Variants in ACSS3 observed in about 807,000 individuals in gnomAD.
The protein encoded by ACSS3 is acyl-CoA synthetase short chain family member 3.
Under a neutral mutation model 84.2 loss-of-function variants are expected in ACSS3, and 64 were observed. The ratio of observed to expected loss-of-function variants is 0.76; its 90% CI spans 0.62 to 0.94. The LOEUF (loss-of-function observed/expected upper bound fraction) is 0.94, where lower values mean the gene tolerates loss of function less well. ACSS3 is among the 40% of genes least tolerant of loss of function. The pLI is 0.00. For synonymous variants in ACSS3, 317 were observed against 310.1 expected (o/e 1.02, Z -0.23); for missense variants, 815 against 867.6 (o/e 0.94, Z 0.76).
chr12:81,191,822 T>G (rs2031585276), intron 8 of ACSS3, among the ~76,000 whole-genome samples: 1 of 152,202 alleles, frequency 6.6e-6, no homozygotes, highest in Admixed American at 6.5e-5. Flanking sequence ...TAGATGATTT[T>G]ATTGTAACCT....
At chr12:81,206,066 C>T (rs1363702619) in intron 9 of ACSS3, among the ~76,000 whole-genome samples, 1 of 152,082 alleles carries the variant, frequency 6.6e-6, no homozygotes, top group Non-Finnish European at 1.5e-5. Flanking sequence ...TGAGTACCAA[C>T]AGCCATTAGC....
At chr12:81,227,929 C>G (rs1174183664) in intron 11 of ACSS3, among the ~76,000 whole-genome samples, 1 of 151,770 alleles carries the variant, frequency 6.6e-6, no homozygotes, top group East Asian at 1.9e-4. Flanking sequence ...GCTGCCATTT[C>G]CCAGCACCAT....
intron 2 of ACSS3, among the ~76,000 whole-genome samples, chr12:81,114,419 A>G (rs1282190982): frequency 6.6e-6 from 1 of 152,090 alleles, no homozygotes; most frequent in Non-Finnish European, 1.5e-5. Flanking sequence ...ATCTGCTCAG[A>G]CATATGTCAG....
At chr12:81,172,036 G>A (rs1025082740) in intron 7 of ACSS3, among the ~76,000 whole-genome samples, 1 of 152,088 alleles carries the variant, frequency 6.6e-6, no homozygotes, top group African/African-American at 2.4e-5. Context: ...GAGGCCGAAG[G>A]CAGGCGGATT....
At chr12:81,230,590 T>C (rs2033424632) in intron 11 of ACSS3, among the ~76,000 whole-genome samples, 1 of 151,836 alleles carries the variant, frequency 6.6e-6, no homozygotes, top group African/African-American at 2.4e-5. Context: ...GGCATATTGA[T>C]TATGAAATAA....
intron 4 of ACSS3, among the ~76,000 whole-genome samples, chr12:81,139,907 T>C (rs1886009919): frequency 6.6e-6 from 1 of 152,042 alleles, no homozygotes. Flanking sequence ...AGTGCTGGGA[T>C]TACAGGTGTG....
At chr12:81,093,464 CAAAA>C (rs11308483) in intron 1 of ACSS3, among the ~76,000 whole-genome samples, 2 of 141,058 alleles carry the variant, frequency 1.4e-5, no homozygotes, top group African/African-American at 2.6e-5. Context: ...CCACCGCCAC[CAAAA>C]AAAAAAAAAG....
intron 2 of ACSS3, among the ~76,000 whole-genome samples, chr12:81,122,299 G>A (rs1340157694): frequency 6.6e-6 from 1 of 151,720 alleles, no homozygotes; most frequent in Admixed American, 6.6e-5. Flanking sequence ...AGAACTCATG[G>A]GCCCTGAGAA....
At chr12:81,190,510 T>C (rs977363388) in intron 8 of ACSS3, among the ~76,000 whole-genome samples, 1 of 152,086 alleles carries the variant, frequency 6.6e-6, no homozygotes, top group Admixed American at 6.6e-5. Context: ...GTAGTTTTAA[T>C]GTATATATGT....
In ACSS3 at chr12:81,144,292, A is replaced by G. The variant is rs182814642; in HGVS notation, c.921+1045A>G. On this transcript the variant is annotated intron_variant, in intron 5 of 15. Transcript: ENST00000548058. Reference sequence around the variant, plus strand: ...TTTGGTCTACCATTGTGCTGTATGTAGTTGGTGCTCAATAAATTTTTGTTG... The same window carrying G: ...TTTGGTCTACCATTGTGCTGTATGTGGTTGGTGCTCAATAAATTTTTGTTG... 1.6e-4 allele frequency among the ~76,000 whole-genome samples: 25 copies of G among 152,172 alleles called. 1 individual carries two copies.
intron 8 of ACSS3, among the ~76,000 whole-genome samples, chr12:81,184,622 G>A (rs1247133686): frequency 3.3e-5 from 5 of 151,748 alleles, no homozygotes; most frequent in East Asian, 1.9e-4. Context: ...AAAGAGGATC[G>A]TAAGGGAATA....
In ACSS3 at chr12:81,123,555, G is replaced by A. The variant is rs1031283354; in HGVS notation, c.457-11261G>A. ...TTACATGGATAAATTGCGTGTTGTTGAGGTTTGTTGTTCAGATGAGCACAG... is the reference window on the plus strand; with the variant it reads ...TTACATGGATAAATTGCGTGTTGTTAAGGTTTGTTGTTCAGATGAGCACAG... On this transcript the variant is annotated intron_variant, in intron 2 of 15. Transcript: ENST00000548058. 3.3e-5 allele frequency among the ~76,000 whole-genome samples: 5 copies of A among 151,994 alleles called. No individual in the cohort carries two copies. In the East Asian group the frequency reaches 7.7e-4, roughly 23 times the overall value.
chr12:81,150,307 A>G (rs749052132), intron 5 of ACSS3, among the ~76,000 whole-genome samples: 1 of 152,216 alleles, frequency 6.6e-6, no homozygotes, highest in Non-Finnish European at 1.5e-5. Context: ...GTCATAACAC[A>G]TGGACAGCAT....
At position 81,134,776 on chromosome 12, in the gene ACSS3, A is replaced by G. The variant is rs1885697601; in HGVS notation, c.457-40A>G. On this transcript the variant is annotated intron_variant, in intron 2 of 15. Coordinates refer to ENST00000548058, the MANE Select transcript of ACSS3 (RefSeq NM_024560.4). ...CTTAAGTTAGAAGTTTGGTGAAATA[A>G]TACAAAATACACTTTACTGATTTAA... The G allele has an allele frequency of 2.1e-6, 3 of 1,422,822 alleles. No homozygotes were observed. In the East Asian group the frequency reaches 7.6e-5, roughly 36 times the overall value. 88.1% of individuals were successfully genotyped at this position (1,422,822 alleles called of 1,614,324 possible).
At chr12:81,188,394 ATAAATCAGAATTT>A (rs2135864097) in intron 8 of ACSS3, among the ~76,000 whole-genome samples, 1 of 152,228 alleles carries the variant, frequency 6.6e-6, no homozygotes, top group South Asian at 2.1e-4. Context: ...AGAAAAGAAC[ATAAATCAGAATTT>A]TAAAAGTTAT....
At chr12:81,159,872 A>G (rs1887065075) in intron 7 of ACSS3, among the ~76,000 whole-genome samples, 1 of 152,208 alleles carries the variant, frequency 6.6e-6, no homozygotes, top group Non-Finnish European at 1.5e-5. Context: ...CCTTTACCAG[A>G]CTGTCATCTG....
At position 81,254,962 on chromosome 12, in the gene ACSS3, T is replaced by G; in HGVS notation, c.*40T>G. The stretch of plus-strand genomic sequence containing the variant: ...TCCTATTTTGAGTTGATTTAATTTC[T>G]TAATTGAAATTAAATTATTTGAGTT... On this transcript the variant is annotated 3_prime_UTR_variant, in exon 16 of 16. Transcript: ENST00000548058. The G allele has an allele frequency of 7.0e-7, 1 of 1,427,570 alleles. No individual in the cohort carries two copies. Among genetic ancestry groups the G allele is most frequent in the East Asian group, 2.4e-5 (1 of 41,904 alleles). The allele number at this position is 1,427,570 out of a possible 1,614,324, so 88.4% of individuals were successfully genotyped here.
chr12:81,162,241 G>C (rs1247721371), intron 7 of ACSS3, among the ~76,000 whole-genome samples: 1 of 152,166 alleles, frequency 6.6e-6, no homozygotes, highest in Non-Finnish European at 1.5e-5. Flanking sequence ...ACATGAAGTG[G>C]GTAGGTCCTG....
At chr12:81,110,329 C>A (rs1404208484) in intron 2 of ACSS3, among the ~76,000 whole-genome samples, 5 of 152,222 alleles carry the variant, frequency 3.3e-5, no homozygotes, top group East Asian at 1.9e-4. Flanking sequence ...GCCTTTGTAG[C>A]TCTTTGAACA....
Sources: allele counts gnomAD v4.1 joint callset (sites outside exome capture counted in the v4.1 genomes callset), GRCh38; gene constraint gnomAD v4.1.1; transcripts MANE v1.5; gene names NCBI Gene and HGNC (gene_info 2026-07-23, HGNC 2026-07-21).